RBMS1: variants seen among roughly 807,000 people sequenced by gnomAD.
RBMS1 encodes the protein RNA binding motif single stranded interacting protein 1.
Under a neutral mutation model 62.3 loss-of-function variants are expected in RBMS1, and 17 were observed. The ratio of observed to expected loss-of-function variants is 0.27; its 90% CI spans 0.19 to 0.41. RBMS1 has a LOEUF of 0.41. Among genes scored for constraint, RBMS1 ranks in the 10% least tolerant of loss-of-function variants. RBMS1 has a pLI of 1.00. For synonymous variants in RBMS1, 172 were observed against 170.0 expected, an observed-to-expected ratio of 1.01 and a Z score of -0.09; for missense variants, 334 against 504.5, an observed-to-expected ratio of 0.66 and a Z score of 3.24.
chr2:160,294,978 A>C (rs1162902113), intron 6 of RBMS1, among the ~76,000 whole-genome samples: 1 of 152,134 alleles, frequency 6.6e-6, no homozygotes, highest in Admixed American at 6.5e-5. Context: ...TCTAATACAC[A>C]AACTGGTACT....
chr2:160,334,963 T>C (rs1365834769), intron 2 of RBMS1, among the ~76,000 whole-genome samples: 1 of 151,144 alleles, frequency 6.6e-6, no homozygotes, highest in Non-Finnish European at 1.5e-5. Flanking sequence ...GATATTTATC[T>C]CAGAAACAAA....
intron 1 of RBMS1, among the ~76,000 whole-genome samples, chr2:160,448,345 G>T (rs1178353317): frequency 6.8e-6 from 1 of 146,300 alleles, no homozygotes; most frequent in South Asian, 2.2e-4. Flanking sequence ...CTGATGCCGA[G>T]CGGAGGCTGG....
intron 1 of RBMS1, among the ~76,000 whole-genome samples, chr2:160,440,523 G>T (rs1419709044): frequency 6.6e-6 from 1 of 152,210 alleles, no homozygotes; most frequent in Non-Finnish European, 1.5e-5. Flanking sequence ...AGGCATGAGG[G>T]TCGCCATATT....
At chr2:160,396,542 C>CT (rs1249414999) in intron 1 of RBMS1, among the ~76,000 whole-genome samples, 1 of 112,842 alleles carries the variant, frequency 8.9e-6, no homozygotes, top group African/African-American at 3.3e-5. Flanking sequence ...AGGGACTTTT[C>CT]TTTTTATCTT....
At chr2:160,468,264 A>G (rs1288777856) in intron 1 of RBMS1, among the ~76,000 whole-genome samples, 1 of 152,242 alleles carries the variant, frequency 6.6e-6, no homozygotes, top group Non-Finnish European at 1.5e-5. Flanking sequence ...TATCCACTAC[A>G]TGAGTAACAA....
chr2:160,369,564 G>T (rs1693608164), intron 1 of RBMS1, among the ~76,000 whole-genome samples: 1 of 152,200 alleles, frequency 6.6e-6, no homozygotes, highest in African/African-American at 2.4e-5. Context: ...TTTGATTAGT[G>T]TCTCAGAAAC....
At chr2:160,456,311 C>A (rs1052327522) in intron 1 of RBMS1, among the ~76,000 whole-genome samples, 2 of 152,068 alleles carry the variant, frequency 1.3e-5, no homozygotes, top group Non-Finnish European at 2.9e-5. Flanking sequence ...CTTTTTCTTT[C>A]CACTGGAAAG....
intron 1 of RBMS1, among the ~76,000 whole-genome samples, chr2:160,489,838 T>C (rs1190626690): frequency 6.6e-6 from 1 of 152,126 alleles, no homozygotes; most frequent in Non-Finnish European, 1.5e-5. Flanking sequence ...TGAATAAAGA[T>C]TACAACTGTC....
chr2:160,329,603 C>G (rs1381588468), intron 2 of RBMS1, among the ~76,000 whole-genome samples: 1 of 151,982 alleles, frequency 6.6e-6, no homozygotes, highest in African/African-American at 2.4e-5. Context: ...CTATAAAGAG[C>G]ACCAAATGCT....
intron 1 of RBMS1, among the ~76,000 whole-genome samples, chr2:160,442,289 C>T (rs1012998043): frequency 6.6e-6 from 1 of 152,052 alleles, no homozygotes; most frequent in Admixed American, 6.6e-5. Context: ...AGTTTATATT[C>T]GGGTTTATAA....
intron 1 of RBMS1, among the ~76,000 whole-genome samples, chr2:160,399,796 T>G (rs1489315021): frequency 6.6e-6 from 1 of 152,102 alleles, no homozygotes; most frequent in Non-Finnish European, 1.5e-5. Flanking sequence ...AGAGATTTTG[T>G]CTTAGAACAG....
intron 1 of RBMS1, among the ~76,000 whole-genome samples, chr2:160,388,880 TG>T (rs1270177281): frequency 2.0e-5 from 3 of 152,324 alleles, no homozygotes; most frequent in Admixed American, 6.5e-5. Flanking sequence ...TGAATCCCCC[TG>T]GGGGGAGGCC....
At chr2:160,480,753 C>CT (rs1338913733) in intron 1 of RBMS1, among the ~76,000 whole-genome samples, 1 of 151,956 alleles carries the variant, frequency 6.6e-6, no homozygotes. Context: ...TAGTTAAGAC[C>CT]ACTTTGGAGA....
chr2:160,481,050 C>T (rs190897475), intron 1 of RBMS1, among the ~76,000 whole-genome samples: 127 of 147,364 alleles, frequency 8.6e-4, no homozygotes, highest in African/African-American at 3.1e-3. Context: ...CACTGCACTC[C>T]AGCCTAGGCA....
intron 1 of RBMS1, among the ~76,000 whole-genome samples, chr2:160,378,453 A>G (rs1459975538): frequency 1.3e-5 from 2 of 152,062 alleles, no homozygotes; most frequent in African/African-American, 4.8e-5. Flanking sequence ...TTTATACAAA[A>G]AGGAAAAAAA....
rs373226952 is a variant in RBMS1 at position 160,277,381 on chromosome 2, G to A, written c.1065C>T (p.Tyr355=). Residue 355 remains tyrosine (Y), a splice_region_variant and synonymous_variant, in exon 12 of 14, where the codon TAC becomes TAT. Coordinates refer to ENST00000348849, the MANE Select transcript of RBMS1 (RefSeq NM_016836.4). ...SHLSLGSTGT[Y]MPATSAMQGA... is the part of the protein sequence containing the mutation. ...CTTGCATAGCTGACGTTGCAGGCATGTACTAGAAAGAAGAATGAGGTCAGA... is the reference window on the plus strand; with the variant it reads ...CTTGCATAGCTGACGTTGCAGGCATATACTAGAAAGAAGAATGAGGTCAGA... 1.2e-6 allele frequency: 2 copies of A among 1,610,740 alleles called. No individual in the cohort carries two copies. Among genetic ancestry groups the A allele is most frequent in the South Asian group, 2.2e-5 (2 of 91,006 alleles).
intron 1 of RBMS1, among the ~76,000 whole-genome samples, chr2:160,487,984 G>A (rs934865303): frequency 6.6e-6 from 1 of 152,156 alleles, no homozygotes; most frequent in Non-Finnish European, 1.5e-5. Context: ...ATGCATTGAG[G>A]AATTAGATTA....
intron 1 of RBMS1, among the ~76,000 whole-genome samples, chr2:160,426,283 A>G (rs1232499506): frequency 8.7e-6 from 1 of 115,068 alleles, no homozygotes; most frequent in Non-Finnish European, 1.8e-5. Context: ...GAAAGAAAGA[A>G]AGAAAGAAAA....
intron 1 of RBMS1, among the ~76,000 whole-genome samples, chr2:160,443,995 T>A (rs1466028287): frequency 6.6e-6 from 1 of 152,088 alleles, no homozygotes; most frequent in East Asian, 1.9e-4. Context: ...AGATACTAAC[T>A]CAATGGGGAT....
Sources: allele counts gnomAD v4.1 joint callset (sites outside exome capture counted in the v4.1 genomes callset), GRCh38; gene constraint gnomAD v4.1.1; transcripts MANE v1.5; gene names NCBI Gene and HGNC (gene_info 2026-07-23, HGNC 2026-07-21).